The following EDAR variants were observed in gnomAD, a reference collection of about 807,000 sequenced individuals.
EDAR encodes the protein ectodysplasin A receptor, also known as tumor necrosis factor receptor superfamily member EDAR.
Under a neutral mutation model 51.3 loss-of-function variants are expected in EDAR, and 38 were observed. The observed-to-expected ratio is 0.74, with a 90% CI of 0.57 to 0.97. EDAR has a LOEUF of 0.97. Ranked by LOEUF, EDAR falls within the 50% of genes least tolerant of loss-of-function variation. The pLI is 0.00. For synonymous variants in EDAR, 227 were observed against 242.1 expected, an observed-to-expected ratio of 0.94 and a Z score of 0.58; for missense variants, 528 against 595.0, an observed-to-expected ratio of 0.89 and a Z score of 1.17.
intron 1 of EDAR, among the ~76,000 whole-genome samples, chr2:108,955,223 A>G (rs1261704324): frequency 6.6e-6 from 1 of 152,164 alleles, no homozygotes; most frequent in Admixed American, 6.5e-5. Context: ...TATGATATTA[A>G]TAGAACCTAG....
intron 4 of EDAR, among the ~76,000 whole-genome samples, chr2:108,925,683 T>C (rs1255829055): frequency 1.3e-5 from 2 of 152,140 alleles, no homozygotes; most frequent in East Asian, 3.9e-4. Context: ...AGAGAAGCAA[T>C]CTTGGCTCAC....
At chr2:108,923,775 C>A (rs577303846) in intron 4 of EDAR, among the ~76,000 whole-genome samples, 6 of 152,358 alleles carry the variant, frequency 3.9e-5, no homozygotes, top group African/African-American at 1.4e-4. Context: ...TGTGCCCCCA[C>A]ATGTAGGGCC....
At chr2:108,972,724 G>T (rs189494870) in intron 1 of EDAR, among the ~76,000 whole-genome samples, 1 of 152,230 alleles carries the variant, frequency 6.6e-6, no homozygotes, top group Non-Finnish European at 1.5e-5. Context: ...CATCTGATTT[G>T]TCAGTCACAA....
At chr2:108,900,721 C>T (rs1051829474) in intron 11 of EDAR, among the ~76,000 whole-genome samples, 1 of 152,092 alleles carries the variant, frequency 6.6e-6, no homozygotes, top group African/African-American at 2.4e-5. Flanking sequence ...TGGAAAAATA[C>T]ATATCATGCA....
chr2:108,963,816 G>C (rs1252248217), intron 1 of EDAR, among the ~76,000 whole-genome samples: 1 of 152,228 alleles, frequency 6.6e-6, no homozygotes, highest in African/African-American at 2.4e-5. Context: ...CTGCCTTCTT[G>C]TGGGAAGATA....
At chr2:108,915,671 G>A (rs979490024) in intron 5 of EDAR, among the ~76,000 whole-genome samples, 6 of 152,104 alleles carry the variant, frequency 3.9e-5, no homozygotes, top group South Asian at 2.1e-4. Context: ...AGGCCGAGGC[G>A]GGAGGATCAC....
At chr2:108,976,516 G>C (rs536342864) in intron 1 of EDAR, among the ~76,000 whole-genome samples, 1 of 152,108 alleles carries the variant, frequency 6.6e-6, no homozygotes, top group Non-Finnish European at 1.5e-5. Flanking sequence ...CAGGCGGAGC[G>C]CACACTTAAG....
intron 11 of EDAR, among the ~76,000 whole-genome samples, chr2:108,903,545 C>T (rs568940254): frequency 2.0e-5 from 3 of 152,182 alleles, no homozygotes; most frequent in East Asian, 1.9e-4. Flanking sequence ...ATCAGAGGGA[C>T]AGACATGTAG....
chr2:108,978,561 C>A (rs143962679), intron 1 of EDAR, among the ~76,000 whole-genome samples: 34 of 152,196 alleles, frequency 2.2e-4, no homozygotes, highest in African/African-American at 8.2e-4. Context: ...AGGTTCAGAG[C>A]ACCGAGGAAA....
At chr2:108,912,926 C>A (rs1696955284) in intron 5 of EDAR, among the ~76,000 whole-genome samples, 162 bp from the exon 6 acceptor site, 1 of 151,794 alleles carries the variant, frequency 6.6e-6, no homozygotes, top group East Asian at 1.9e-4. Flanking sequence ...TTAATGAACC[C>A]TAAAGAGTCA....
chr2:108,924,578 C>T (rs762165090), intron 4 of EDAR, among the ~76,000 whole-genome samples: 5 of 151,906 alleles, frequency 3.3e-5, no homozygotes, highest in African/African-American at 4.8e-5. Flanking sequence ...CCCATGGAGG[C>T]CCCTGCTGAC....
At chr2:108,902,153 G>A (rs998371117) in intron 11 of EDAR, among the ~76,000 whole-genome samples, 1 of 151,182 alleles carries the variant, frequency 6.6e-6, no homozygotes, top group Non-Finnish European at 1.5e-5. Flanking sequence ...AAGGAGAATC[G>A]CTTAAACCTG....
intron 5 of EDAR, among the ~76,000 whole-genome samples, chr2:108,916,084 G>A (rs1697023329): frequency 6.6e-6 from 1 of 152,040 alleles, no homozygotes; most frequent in Non-Finnish European, 1.5e-5. Flanking sequence ...CTGTTTGCTG[G>A]GGGGTAGCCT....
In EDAR at chr2:108,953,670, A is replaced by C. The variant is rs1697867312; in HGVS notation, c.-18-22638T>G. Among the ~76,000 whole-genome samples the C allele has an allele frequency of 2.0e-5, 3 of 152,210 alleles. No individual in the cohort carries two copies. In the South Asian group the frequency reaches 6.2e-4, roughly 32 times the overall value. On this transcript the variant is annotated intron_variant, in intron 1 of 11. Coordinates refer to ENST00000258443, the MANE Select transcript of EDAR (RefSeq NM_022336.4). ...ACTAATTTGGTGCTGTCATTGTCGGATGGATGTGACTGATGAGACACTGGA... is the reference window on the plus strand; with the variant it reads ...ACTAATTTGGTGCTGTCATTGTCGGCTGGATGTGACTGATGAGACACTGGA...
In EDAR at chr2:108,984,376, G is replaced by A. The variant is rs144106597; in HGVS notation, c.-19+4584C>T. On this transcript the variant is annotated intron_variant, in intron 1 of 11. Coordinates refer to ENST00000258443, the MANE Select transcript of EDAR (RefSeq NM_022336.4). Reference sequence around the variant, plus strand: ...CGTGAGCCACCATGGCTGAACTTCCGCCCTGACTTGACTTCTGTTTGCCTT... The same window carrying A: ...CGTGAGCCACCATGGCTGAACTTCCACCCTGACTTGACTTCTGTTTGCCTT... Among the ~76,000 whole-genome samples, 1,220 of 152,234 alleles carry A rather than the reference G, an allele frequency of 8.0e-3. 11 individuals carry two copies. The highest frequency in any genetic ancestry group is 0.024 in the Middle Eastern group (7 of 294).
chr2:108,967,226 C>T (rs1243994391), intron 1 of EDAR, among the ~76,000 whole-genome samples: 1 of 152,188 alleles, frequency 6.6e-6, no homozygotes. Flanking sequence ...TGAGCCACTG[C>T]ACCCGGCCAA....
chr2:108,919,651 C>T (rs960003056), intron 5 of EDAR, among the ~76,000 whole-genome samples: 7 of 152,206 alleles, frequency 4.6e-5, no homozygotes. Flanking sequence ...AGCCACTGCG[C>T]CTGGCCCTGA....
intron 3 of EDAR, among the ~76,000 whole-genome samples, 171 bp from the exon 4 acceptor site, chr2:108,929,550 G>A (rs1031773403): frequency 6.6e-6 from 1 of 152,178 alleles, no homozygotes; most frequent in African/African-American, 2.4e-5. Context: ...ACCAGCTCAT[G>A]CTCTGGGCTT....
At chr2:108,929,649 G>C (rs574748765) in intron 3 of EDAR, among the ~76,000 whole-genome samples, 46 of 152,272 alleles carry the variant, frequency 3.0e-4, no homozygotes, top group Non-Finnish European at 5.1e-4. Flanking sequence ...GGAATGCCCA[G>C]GCAGTGCAGG....
Sources: allele counts gnomAD v4.1 joint callset (sites outside exome capture counted in the v4.1 genomes callset), GRCh38; gene constraint gnomAD v4.1.1; transcripts MANE v1.5; gene names NCBI Gene and HGNC (gene_info 2026-07-23, HGNC 2026-07-21).